The following TSHZ3 variants were observed in gnomAD, a reference collection of about 807,000 sequenced individuals.
The protein encoded by TSHZ3 is teashirt homolog 3.
In TSHZ3, 10 loss-of-function variants were observed where a neutral mutation model predicts 64.5. The ratio of observed to expected loss-of-function variants is 0.16; its 90% confidence interval spans 0.10 to 0.26. The LOEUF is 0.26. Among genes scored for constraint, TSHZ3 ranks in the 10% least tolerant of loss-of-function variants. The pLI is 1.00. For synonymous variants in TSHZ3, 608 were observed against 593.1 expected, an observed-to-expected ratio of 1.03 and a Z score of -0.36; for missense variants, 1,242 against 1,421.7, an observed-to-expected ratio of 0.87 and a Z score of 2.03.
chr19:31,254,119 C>T (rs112531392), intron 1 of TSHZ3, among the ~76,000 whole-genome samples: 2,136 of 152,276 alleles, frequency 0.014, 47 homozygotes, highest in African/African-American at 0.049. Flanking sequence ...TCCTGGGCAC[C>T]TGGCAGATTT....
chr19:31,246,886 G>A (rs960413700), intron 1 of TSHZ3, among the ~76,000 whole-genome samples: 1 of 151,934 alleles, frequency 6.6e-6, no homozygotes, highest in South Asian at 2.1e-4. Flanking sequence ...AGAATAACAG[G>A]GACATATCAA....
chr19:31,343,892 A>G (rs1306327874), intron 1 of TSHZ3, among the ~76,000 whole-genome samples: 2 of 152,154 alleles, frequency 1.3e-5, no homozygotes, highest in Non-Finnish European at 2.9e-5. Context: ...AACTGGAATT[A>G]ATCTGTCTGG....
At chr19:31,157,954 C>T (rs529612854) in intron 5 of TSHZ3, among the ~76,000 whole-genome samples, 85 of 152,324 alleles carry the variant, frequency 5.6e-4, no homozygotes, top group African/African-American at 1.9e-3. Context: ...TCTCGTGGTA[C>T]AATGAACAAC....
At position 31,221,666 on chromosome 19, in the gene TSHZ3, A is replaced by G. The variant is rs563367767; in HGVS notation, n.686+6339T>C. On this transcript the variant is annotated intron_variant and non_coding_transcript_variant, in intron 4 of 6. Transcript: ENST00000651361. Reference sequence around the variant, plus strand: ...TTTCTCTTCTTCCATGTTTGGTGGTAAGTTATTTACATGTCTACTCCCTAA... The same window carrying G: ...TTTCTCTTCTTCCATGTTTGGTGGTGAGTTATTTACATGTCTACTCCCTAA... Among the ~76,000 whole-genome samples the G allele has an allele frequency of 8.7e-4, 133 of 152,214 alleles. No individual in the cohort carries two copies. The South Asian group carries it at 0.012, about 14-fold the overall frequency.
intron 1 of TSHZ3, among the ~76,000 whole-genome samples, chr19:31,339,890 A>T (rs1238040912): frequency 7.6e-6 from 1 of 132,424 alleles, no homozygotes; most frequent in Non-Finnish European, 1.5e-5. Context: ...TGGGTTATTT[A>T]AAAAAATTGA....
At chr19:31,267,521 A>G (rs1976070281) in intron 1 of TSHZ3, among the ~76,000 whole-genome samples, 1 of 151,790 alleles carries the variant, frequency 6.6e-6, no homozygotes, top group Non-Finnish European at 1.5e-5. Context: ...ACAAGGCACC[A>G]TCTCCTCAGC....
chr19:31,339,600 A>C (rs187628070), intron 1 of TSHZ3, among the ~76,000 whole-genome samples: 159 of 152,226 alleles, frequency 1.0e-3, no homozygotes, highest in African/African-American at 3.7e-3. Context: ...TCAGGAGGGA[A>C]GGGTGGGTCA....
chr19:31,273,005 C>T (rs1264006690), downstream of TSHZ3, among the ~76,000 whole-genome samples: 3 of 152,188 alleles, frequency 2.0e-5, no homozygotes, highest in Non-Finnish European at 2.9e-5. Flanking sequence ...ACGACAGACG[C>T]GGAGTGCGAC....
chr19:31,221,056 G>A (rs983505252), intron 4 of TSHZ3, among the ~76,000 whole-genome samples: 5 of 152,198 alleles, frequency 3.3e-5, no homozygotes, highest in Admixed American at 3.3e-4. Flanking sequence ...AGATGTGTAT[G>A]CTCAACTATG....
chr19:31,337,079 A>G (rs1917272210), intron 1 of TSHZ3, among the ~76,000 whole-genome samples: 1 of 129,066 alleles, frequency 7.7e-6, no homozygotes, highest in Non-Finnish European at 1.6e-5. Context: ...CTTTTTAATT[A>G]TCTTTTCTCT....
rs1160334453 is a variant in TSHZ3, at chr19:31,340,338, CAAAAAAAAAAAA to C, written c.40+8830_40+8841del. Among the ~76,000 whole-genome samples the C allele has an allele frequency of 1.2e-4, 4 of 32,762 alleles. No homozygotes were observed. In the South Asian group the frequency reaches 6.8e-3, roughly 56 times the overall value. The allele number at this position is 32,762 out of a possible 152,430, so 21.5% of individuals were successfully genotyped here. ...ATTAATTAGCAACAGGCCTACAGTACAAAAAAAAAAAAAAAAAAAAAAAAAACCACAGACTTC... is the reference window on the plus strand; with the variant it reads ...ATTAATTAGCAACAGGCCTACAGTACAAAAAAAAAAAAAACCACAGACTTC... On this transcript the variant is annotated intron_variant, in intron 1 of 1. Coordinates refer to ENST00000240587, the MANE Select transcript of TSHZ3 (RefSeq NM_020856.4).
intron 1 of TSHZ3, among the ~76,000 whole-genome samples, chr19:31,260,297 T>C (rs915085895): frequency 3.3e-5 from 5 of 152,250 alleles, no homozygotes; most frequent in South Asian, 4.1e-4. Context: ...TCCTCGTCTA[T>C]GTCTGGTCAT....
intron 1 of TSHZ3, among the ~76,000 whole-genome samples, chr19:31,338,371 G>A (rs922385988): frequency 1.3e-5 from 2 of 152,178 alleles, no homozygotes; most frequent in African/African-American, 4.8e-5. Flanking sequence ...CCTGCAGAGG[G>A]GACAGAGCTC....
intron 1 of TSHZ3, among the ~76,000 whole-genome samples, chr19:31,333,895 A>G (rs1917167349): frequency 6.6e-6 from 1 of 152,202 alleles, no homozygotes; most frequent in Non-Finnish European, 1.5e-5. Context: ...TCAAGTAATG[A>G]AAGATGTTTT....
intron 1 of TSHZ3, among the ~76,000 whole-genome samples, chr19:31,313,731 G>A (rs1916523941): frequency 6.6e-6 from 1 of 152,236 alleles, no homozygotes; most frequent in African/African-American, 2.4e-5. Context: ...TTCAGCAAAC[G>A]AGAAGGATCC....
At chr19:31,209,438 T>G (rs1178680530) in intron 4 of TSHZ3, among the ~76,000 whole-genome samples, 3 of 152,178 alleles carry the variant, frequency 2.0e-5, no homozygotes, top group Admixed American at 2.0e-4. Flanking sequence ...GAATTCTGGC[T>G]ATTCCACTGA....
chr19:31,323,651 G>C (rs1916842895), intron 1 of TSHZ3, among the ~76,000 whole-genome samples: 1 of 151,990 alleles, frequency 6.6e-6, no homozygotes, highest in South Asian at 2.1e-4. Flanking sequence ...TTTCACATTT[G>C]TAGACCCAGG....
chr19:31,349,473 CG>C (rs993318755), upstream of TSHZ3: 27 of 297,462 alleles, frequency 9.1e-5, no homozygotes, highest in East Asian at 1.1e-4. Context: ...GGGAGGAGCA[CG>C]GGGGGGAGGA....
At chr19:31,255,223 T>C (rs1021608173) in intron 1 of TSHZ3, among the ~76,000 whole-genome samples, 12 of 152,064 alleles carry the variant, frequency 7.9e-5, no homozygotes, top group African/African-American at 2.9e-4. Flanking sequence ...CCCTCTGCAG[T>C]AGGCAATGGT....
Sources: allele counts gnomAD v4.1 joint callset (sites outside exome capture counted in the v4.1 genomes callset), GRCh38; gene constraint gnomAD v4.1.1; transcripts MANE v1.5; gene names NCBI Gene and HGNC (gene_info 2026-07-23, HGNC 2026-07-21).